Variants in C2CD3 observed in about 807,000 individuals in gnomAD.
C2CD3 encodes C2 domain containing 3 centriole elongation regulator.
C2CD3 carries 148 observed loss-of-function variants against 234.0 expected under a neutral mutation model. That is an observed-to-expected ratio of 0.63 (90% CI 0.55 to 0.72). The LOEUF (loss-of-function observed/expected upper bound fraction) is 0.72, where lower values mean the gene tolerates loss of function less well. Ranked by LOEUF, C2CD3 falls within the 30% of genes least tolerant of loss-of-function variation. The probability of loss-of-function intolerance (pLI) is 0.00; values close to 1 mark genes in which losing one functional copy is unlikely to be tolerated. For missense variants in C2CD3, 2,577 were observed against 2,811.5 expected (o/e 0.92, Z 1.89); for synonymous variants, 1,000 against 1,035.4 (o/e 0.97, Z 0.66).
At chr11:74,058,360 T>C (rs1461242407) in intron 24 of C2CD3, among the ~76,000 whole-genome samples, 1 of 152,208 alleles carries the variant, frequency 6.6e-6, no homozygotes, top group Non-Finnish European at 1.5e-5. Flanking sequence ...ATGTACTTTA[T>C]ATATATTAAC....
chr11:74,019,517 C>G (rs1952003311), intron 32 of C2CD3, among the ~76,000 whole-genome samples: 1 of 152,168 alleles, frequency 6.6e-6, no homozygotes. Context: ...AGGGGCAGCT[C>G]AGCCGTCAGG....
In C2CD3 at chr11:74,113,789, T is replaced by C; in HGVS notation, c.1834A>G (p.Thr612Ala). ...EVVRLASSKI[T>A]DGKVKFQQRF... ...CCAGTGTGTCTCTTACTTCCATCTG[T>C]AATTTTACTGGAGGCGAGTCGAACA... The change falls in exon 11 of 33, where the codon ACA becomes GCA. Residue 612 changes from threonine (T) to alanine (A), a missense_variant. Physicochemically the swap from Thr to Ala is moderately conservative, Grantham distance 58. Transcript: ENST00000334126. 1 of 1,600,770 alleles carries C rather than the reference T, an allele frequency of 6.2e-7. No homozygotes were observed. Among genetic ancestry groups the C allele is most frequent in the Non-Finnish European group, 8.6e-7 (1 of 1,168,018 alleles).
intron 18 of C2CD3, among the ~76,000 whole-genome samples, 164 bp from the exon 19 acceptor site, chr11:74,092,752 A>C (rs1251808671): frequency 6.7e-6 from 1 of 150,172 alleles, no homozygotes; most frequent in Non-Finnish European, 1.5e-5. Flanking sequence ...CATTATGTGG[A>C]GGAGGAACTC....
chr11:74,022,537 T>C (rs1350166963), intron 32 of C2CD3, among the ~76,000 whole-genome samples: 2 of 152,104 alleles, frequency 1.3e-5, no homozygotes, highest in African/African-American at 2.4e-5. Context: ...ATCAGAGTGA[T>C]TGAGATATTC....
intron 32 of C2CD3, among the ~76,000 whole-genome samples, chr11:74,023,524 C>T (rs1952170138): frequency 6.6e-6 from 1 of 152,236 alleles, no homozygotes; most frequent in African/African-American, 2.4e-5. Flanking sequence ...AACCCTACCA[C>T]CAATCTCTAA....
intron 7 of C2CD3, chr11:74,130,120 A>T (rs945393630): frequency 4.5e-5 from 1 of 22,186 alleles, no homozygotes; most frequent in Non-Finnish European, 9.7e-5. Context: ...GACCGTGGGG[A>T]GGGGGAGAGG....
chr11:74,023,187 T>C (rs1952157363), intron 32 of C2CD3, among the ~76,000 whole-genome samples: 1 of 152,206 alleles, frequency 6.6e-6, no homozygotes, highest in African/African-American at 2.4e-5. Context: ...AGGTCTTGTC[T>C]TCGATCATGT....
At chr11:74,165,469 A>T (rs1422766544) in intron 2 of C2CD3, among the ~76,000 whole-genome samples, 1 of 152,224 alleles carries the variant, frequency 6.6e-6, no homozygotes, top group Non-Finnish European at 1.5e-5. Context: ...ATGTGACAAC[A>T]TATTAATTAG....
intron 24 of C2CD3, among the ~76,000 whole-genome samples, chr11:74,073,186 T>C (rs1424122130): frequency 3.3e-5 from 5 of 152,202 alleles, no homozygotes; most frequent in African/African-American, 1.2e-4. Flanking sequence ...GTAAAACACA[T>C]AGGATTACAG....
intron 4 of C2CD3, among the ~76,000 whole-genome samples, chr11:74,139,342 T>C (rs1445162297): frequency 2.0e-5 from 3 of 152,232 alleles, no homozygotes; most frequent in African/African-American, 7.2e-5. Context: ...TGCATCTGGA[T>C]ATCATTTAGT....
At chr11:74,121,900 T>C (rs1957231151) in intron 8 of C2CD3, among the ~76,000 whole-genome samples, 2 of 152,204 alleles carry the variant, frequency 1.3e-5, no homozygotes, top group Non-Finnish European at 2.9e-5. Flanking sequence ...CCTGTCCAAT[T>C]CCACTGCAGG....
intron 26 of C2CD3, among the ~76,000 whole-genome samples, chr11:74,053,988 A>G (rs557924065): frequency 6.6e-6 from 1 of 152,128 alleles, no homozygotes; most frequent in South Asian, 2.1e-4. Flanking sequence ...AAAAATAATT[A>G]GCAGCCAGGC....
intron 24 of C2CD3, among the ~76,000 whole-genome samples, chr11:74,067,366 A>G (rs1211559241): frequency 2.0e-5 from 3 of 152,164 alleles, no homozygotes; most frequent in Non-Finnish European, 4.4e-5. Flanking sequence ...GAACCTGGAA[A>G]AAGGCAGAGG....
At chr11:74,025,253 T>C (rs555617904) in intron 32 of C2CD3, among the ~76,000 whole-genome samples, 1 of 152,112 alleles carries the variant, frequency 6.6e-6, no homozygotes, top group African/African-American at 2.4e-5. Context: ...ATAAGTCAAA[T>C]GTCATGATTT....
intron 16 of C2CD3, among the ~76,000 whole-genome samples, chr11:74,097,076 TTGG>T (rs1274447858): frequency 6.6e-6 from 1 of 151,694 alleles, no homozygotes; most frequent in African/African-American, 2.4e-5. Flanking sequence ...TTGAACCCAG[TTGG>T]TGGAGGTTGT....
intron 16 of C2CD3, among the ~76,000 whole-genome samples, chr11:74,097,730 T>G (rs1260520729): frequency 2.0e-5 from 3 of 152,254 alleles, no homozygotes; most frequent in African/African-American, 7.2e-5. Context: ...CCCAATCTTT[T>G]TTAAAGGCAA....
chr11:74,117,095 T>C (rs1957016982), intron 9 of C2CD3, among the ~76,000 whole-genome samples: 1 of 64,294 alleles, frequency 1.6e-5, no homozygotes, highest in Non-Finnish European at 2.8e-5. Context: ...TGAATATATA[T>C]ATATGAATAT....
Position 74,170,896 on chromosome 11 carries a change from C to G in C2CD3, c.-104G>C. ...GGCGCCTGCGTTCCCCGGCAACCGG[C>G]GCCGCTGGGCAGCCTGGGAGGCAGG... On this transcript the variant is annotated 5_prime_UTR_variant, in exon 1 of 33. Coordinates refer to ENST00000334126, the MANE Select transcript of C2CD3 (RefSeq NM_001286577.2). 6.4e-7 allele frequency: 1 copy of G among 1,573,152 alleles called. No individual in the cohort carries two copies. The highest frequency in any genetic ancestry group is 8.6e-7 in the Non-Finnish European group (1 of 1,159,668).
intron 19 of C2CD3, 55 bp downstream of exon 19, chr11:74,092,361 T>C (rs757442891): frequency 1.3e-6 from 2 of 1,516,996 alleles, no homozygotes; most frequent in East Asian, 2.3e-5. Context: ...GGCTATTTTA[T>C]ATATTTTTAT....
Sources: allele counts gnomAD v4.1 joint callset (sites outside exome capture counted in the v4.1 genomes callset), GRCh38; gene constraint gnomAD v4.1.1; transcripts MANE v1.5; gene names NCBI Gene and HGNC (gene_info 2026-07-23, HGNC 2026-07-21).